The following AADACL2 variants were observed in gnomAD, a reference collection of about 807,000 sequenced individuals.
The protein encoded by AADACL2 is arylacetamide deacetylase like 2.
A neutral mutation model predicts 22.3 loss-of-function variants in AADACL2; 23 were observed. The observed-to-expected ratio is 1.03, with a 90% CI of 0.74 to 1.46. The LOEUF is 1.46. Ranked by LOEUF, AADACL2 falls within the 40% of genes most tolerant of loss-of-function variation. The pLI, the probability that AADACL2 is intolerant of heterozygous loss-of-function variation, is 0.00. For synonymous variants in AADACL2, 177 were observed against 166.2 expected, an observed-to-expected ratio of 1.07 and a Z score of -0.50; for missense variants, 472 against 482.9, an observed-to-expected ratio of 0.98 and a Z score of 0.21.
At position 151,733,969 on chromosome 3, in the gene AADACL2, G is replaced by C. The variant is rs1389784234; in HGVS notation, c.-67G>C. The C allele has an allele frequency of 6.7e-7, 1 of 1,485,258 alleles. No homozygotes were observed. Among genetic ancestry groups the C allele is most frequent in the Non-Finnish European group, 9.0e-7 (1 of 1,106,224 alleles). The allele number at this position is 1,485,258 out of a possible 1,614,324, so 92.0% of individuals were successfully genotyped here. On this transcript the variant is annotated 5_prime_UTR_variant, in exon 1 of 5. Transcript: ENST00000356517. ...TCCCAAGTCTACAATTGCTCTACTA[G>C]TTACTATTCAGTGTTTGTGAAAAAT... is the stretch of plus-strand genomic sequence containing the variant.
At chr3:151,754,886 T>C (rs1315860503) in intron 4 of AADACL2, among the ~76,000 whole-genome samples, 2 of 152,116 alleles carry the variant, frequency 1.3e-5, no homozygotes, top group East Asian at 1.9e-4. Flanking sequence ...AAATCAGAAA[T>C]ACATATCCAT....
In AADACL2 at chr3:151,757,059, T is replaced by A; in HGVS notation, c.671T>A (p.Ile224Lys). 7.4e-6 allele frequency: 12 copies of A among 1,613,066 alleles called. No homozygotes were observed. The highest frequency in any genetic ancestry group is 1.0e-5 in the Non-Finnish European group (12 of 1,179,516). Reference sequence around the variant, plus strand: ...GTCTTACTTTACCCTGGCTTACAGATAACAGATTCTTATTTGCCATCTCAC... The same window carrying A: ...GTCTTACTTTACCCTGGCTTACAGAAAACAGATTCTTATTTGCCATCTCAC... ...MQVLLYPGLQ[I>K]TDSYLPSHRE... Residue 224 changes from isoleucine (I) to lysine (K), a missense_variant, in exon 5 of 5, where the codon ATA becomes AAA. Around this residue, in one of 3 missense-constraint regions of AADACL2, gnomAD observed 356 missense variants for 365.5 expected, o/e 0.97. Transcript: ENST00000356517.
rs553428879 is a variant in AADACL2, at chr3:151,756,552, T to G, written c.604-440T>G. ...TTTTAGATTCTATAATGAAATAATA[T>G]GATTTAATAGCTATATTTATTTCTT... is the stretch of plus-strand genomic sequence containing the variant. On this transcript the variant is annotated intron_variant, in intron 4 of 4. Coordinates refer to ENST00000356517, the MANE Select transcript of AADACL2 (RefSeq NM_207365.4). Among the ~76,000 whole-genome samples, 3 of 152,148 alleles carry G rather than the reference T, an allele frequency of 2.0e-5. No homozygotes were observed. In the East Asian group the frequency reaches 5.8e-4, roughly 29 times the overall value.
chr3:151,735,881 T>C (rs2107979436), intron 1 of AADACL2, among the ~76,000 whole-genome samples: 1 of 152,358 alleles, frequency 6.6e-6, no homozygotes, highest in East Asian at 1.9e-4. Context: ...TTTAATGTGT[T>C]ATTAACCATG....
rs780692957 is a variant in AADACL2, at chr3:151,757,433, A to G, written c.1045A>G (p.Met349Val). 6.2e-7 allele frequency: 1 copy of G among 1,613,676 alleles called. No individual in the cohort carries two copies. Residue 349 changes from methionine to valine, a missense_variant, in exon 5 of 5, where the codon ATG becomes GTG. This residue lies in a region of AADACL2 where 113 missense variants were observed against 100.9 expected (regional missense o/e 1.12). Coordinates refer to ENST00000356517, the MANE Select transcript of AADACL2 (RefSeq NM_207365.4). ...QHDLLRDDGLMYVTRLRNVGV... is the reference protein window; with the variant it reads ...QHDLLRDDGLVYVTRLRNVGV... ...TGATCTCTTAAGAGATGATGGACTT[A>G]TGTATGTTACAAGACTTCGAAATGT...
rs1713994556 is a variant in AADACL2 at position 151,757,777 on chromosome 3, A to T, written c.*183A>T. On this transcript the variant is annotated 3_prime_UTR_variant, in exon 5 of 5. Transcript: ENST00000356517. ...GACTTGCAGACCCTGAATATGTAAAATGTATGTAATCCTGCCTATTTTCTC... is the reference window on the plus strand; with the variant it reads ...GACTTGCAGACCCTGAATATGTAAATTGTATGTAATCCTGCCTATTTTCTC... 2 of 571,484 alleles carry T rather than the reference A, an allele frequency of 3.5e-6. No homozygotes were observed. The allele number at this position is 571,484 out of a possible 1,614,324, so 35.4% of individuals were successfully genotyped here. A position where few individuals can be genotyped will look rare whatever the true frequency, so the allele number is the denominator to read the frequency against.
intron 3 of AADACL2, among the ~76,000 whole-genome samples, chr3:151,745,157 A>G (rs13316949): frequency 0.67 from 101,153 of 151,798 alleles, 33,787 homozygotes; most frequent in South Asian, 0.74. Flanking sequence ...TTAAACAAGC[A>G]TTTTTAAAAA....
chr3:151,749,554 C>T (rs1224702684), intron 4 of AADACL2, among the ~76,000 whole-genome samples: 3 of 152,232 alleles, frequency 2.0e-5, no homozygotes, highest in South Asian at 4.2e-4. Context: ...ATGATCTCTG[C>T]TCACTGCACG....
At chr3:151,739,248 G>GA (rs1713195391) in intron 1 of AADACL2, among the ~76,000 whole-genome samples, 1 of 152,138 alleles carries the variant, frequency 6.6e-6, no homozygotes, top group African/African-American at 2.4e-5. Flanking sequence ...CTAACAGTTA[G>GA]GCTCCTCTTC....
At chr3:151,738,774 A>G (rs987304805) in intron 1 of AADACL2, among the ~76,000 whole-genome samples, 1 of 151,750 alleles carries the variant, frequency 6.6e-6, no homozygotes, top group African/African-American at 2.4e-5. Flanking sequence ...CCTTTCTTCC[A>G]CTCGATTGAT....
intron 4 of AADACL2, among the ~76,000 whole-genome samples, chr3:151,747,926 T>C (rs981399530): frequency 5.3e-5 from 8 of 152,122 alleles, no homozygotes; most frequent in African/African-American, 1.9e-4. Context: ...CTTGTACATA[T>C]GTCTACTCAG....
chr3:151,754,757 C>A lies in AADACL2; in HGVS notation c.604-2235C>A, dbSNP rs114640905. Among the ~76,000 whole-genome samples, 909 of 152,152 alleles carry A rather than the reference C, an allele frequency of 6.0e-3. 12 individuals carry two copies. The highest frequency in any genetic ancestry group is 0.021 in the African/African-American group (861 of 41,522). On this transcript the variant is annotated intron_variant, in intron 4 of 4. Coordinates refer to ENST00000356517, the MANE Select transcript of AADACL2 (RefSeq NM_207365.4). ...AAACTCTAAGGACATTACCGTGAGC[C>A]AGATATGTTCTCTCAAATTTTGACC... is the stretch of plus-strand genomic sequence containing the variant.
At chr3:151,748,015 C>A (rs1276267592) in intron 4 of AADACL2, among the ~76,000 whole-genome samples, 1 of 151,984 alleles carries the variant, frequency 6.6e-6, no homozygotes, top group Non-Finnish European at 1.5e-5. Flanking sequence ...TGAATATTAA[C>A]CCCTTATTGA....
Position 151,757,503 on chromosome 3 carries a change from G to C in AADACL2, c.1115G>C (p.Gly372Ala). 6.2e-7 allele frequency: 1 copy of C among 1,613,578 alleles called. No homozygotes were observed. Among genetic ancestry groups the C allele is most frequent in the South Asian group, 1.1e-5 (1 of 91,060 alleles). ...GAACATATTGAGGATGGAATTCATGGAGCTTTATCATTCATGACTTCACCA... is the reference window on the plus strand; with the variant it reads ...GAACATATTGAGGATGGAATTCATGCAGCTTTATCATTCATGACTTCACCA... ...VHEHIEDGIHGALSFMTSPFY... is the reference protein window; with the variant it reads ...VHEHIEDGIHAALSFMTSPFY... The change falls in exon 5 of 5, where the codon GGA becomes GCA. Residue 372 changes from glycine to alanine, a missense_variant. This residue lies in a region of AADACL2 where 113 missense variants were observed against 100.9 expected (regional missense o/e 1.12). Transcript: ENST00000356517.
At chr3:151,741,116 T>A (rs1713267012) in intron 2 of AADACL2, among the ~76,000 whole-genome samples, 1 of 152,194 alleles carries the variant, frequency 6.6e-6, no homozygotes, top group South Asian at 2.1e-4. Flanking sequence ...GCTTTCATAT[T>A]GAATGAACAT....
At position 151,745,611 on chromosome 3, in the gene AADACL2, G is replaced by A. The variant is rs759968096; in HGVS notation, c.534G>A (p.Val178=). 1 of 1,613,626 alleles carries A rather than the reference G, an allele frequency of 6.2e-7. No homozygotes were observed. Among genetic ancestry groups the A allele is most frequent in the South Asian group, 1.1e-5 (1 of 90,956 alleles). ...LLEKILTKYG[V]DPTRICIAGD... The stretch of plus-strand genomic sequence containing the variant: ...AAAAAATTCTTACAAAATATGGAGT[G>A]GATCCCACCCGAATCTGCATTGCGG... Residue 178 remains valine (V), a synonymous_variant, in exon 4 of 5, where the codon GTG becomes GTA. Transcript: ENST00000356517.
chr3:151,745,985 A>G (rs1392659947), intron 4 of AADACL2, among the ~76,000 whole-genome samples: 1 of 152,160 alleles, frequency 6.6e-6, no homozygotes, highest in African/African-American at 2.4e-5. Context: ...ATTTTTAAAA[A>G]GAAAGACTAA....
chr3:151,750,365 C>T (rs1713623565), intron 4 of AADACL2, among the ~76,000 whole-genome samples: 2 of 152,144 alleles, frequency 1.3e-5, no homozygotes, highest in Admixed American at 1.3e-4. Flanking sequence ...CGTCAGCTTC[C>T]GCCACCTGTG....
chr3:151,734,581 A>G (rs1201644554), intron 1 of AADACL2, among the ~76,000 whole-genome samples: 1 of 152,144 alleles, frequency 6.6e-6, no homozygotes, highest in East Asian at 1.9e-4. Flanking sequence ...ATATTAATTT[A>G]AGGCTCTTAT....
Sources: allele counts gnomAD v4.1 joint callset (sites outside exome capture counted in the v4.1 genomes callset), GRCh38; gene constraint gnomAD v4.1.1; regional missense constraint gnomAD v4.1.1; transcripts MANE v1.5; gene names NCBI Gene and HGNC (gene_info 2026-07-23, HGNC 2026-07-21).